DCLK2: variants seen among roughly 807,000 people sequenced by gnomAD.
The protein encoded by DCLK2 is doublecortin like kinase 2.
A neutral mutation model predicts 78.4 loss-of-function variants in DCLK2; 31 were observed. The observed-to-expected ratio is 0.40, with a 90% CI of 0.30 to 0.53. The LOEUF (loss-of-function observed/expected upper bound fraction) is 0.53, where lower values mean the gene tolerates loss of function less well. DCLK2 is among the 20% of genes least tolerant of loss of function. DCLK2 has a pLI of 0.61. For synonymous variants in DCLK2, 407 were observed against 374.9 expected (o/e 1.09, Z -0.99); for missense variants, 872 against 973.7 (o/e 0.90, Z 1.39).
chr4:150,234,220 T>C (rs1321377406), intron 10 of DCLK2, among the ~76,000 whole-genome samples: 2 of 152,238 alleles, frequency 1.3e-5, no homozygotes, highest in Non-Finnish European at 2.9e-5. Flanking sequence ...TTAAGTCTTC[T>C]TTAACATCAC....
chr4:150,219,964 C>G (rs1272106673), intron 5 of DCLK2, among the ~76,000 whole-genome samples: 1 of 152,066 alleles, frequency 6.6e-6, no homozygotes, highest in Non-Finnish European at 1.5e-5. Context: ...CCCAGCTACT[C>G]TTAGGAAAAA....
intron 4 of DCLK2, chr4:150,199,188 C>T (rs1456306724): frequency 1.1e-5 from 10 of 951,926 alleles, no homozygotes; most frequent in Non-Finnish European, 1.6e-5. Context: ...TGGCTTATTC[C>T]AGTGCACATC....
At position 150,199,218 on chromosome 4, in the gene DCLK2, T is replaced by C. The variant is rs1580703729; in HGVS notation, c.961+1115T>C. 6 of 758,702 alleles carry C rather than the reference T, an allele frequency of 7.9e-6. No homozygotes were observed. In the East Asian group the frequency reaches 1.6e-4, roughly 21 times the overall value. The allele number at this position is 758,702 out of a possible 1,614,324, so 47.0% of individuals were successfully genotyped here. On this transcript the variant is annotated intron_variant, in intron 4 of 15. Transcript: ENST00000296550. ...CACATCTGTGTGGTATGAAATGCTT[T>C]GCATTGCACAAGACACTTTAGCCTC... is the stretch of plus-strand genomic sequence containing the variant.
intron 2 of DCLK2, among the ~76,000 whole-genome samples, chr4:150,184,843 C>T (rs956769004): frequency 1.1e-4 from 16 of 151,978 alleles, no homozygotes; most frequent in South Asian, 2.1e-4. Flanking sequence ...CCTCATGATC[C>T]GCCCGCCTCA....
intron 4 of DCLK2, among the ~76,000 whole-genome samples, chr4:150,202,264 G>C (rs1257979626): frequency 6.6e-6 from 1 of 152,000 alleles, no homozygotes; most frequent in East Asian, 1.9e-4. Flanking sequence ...AAGTAATCAG[G>C]GCTGTTGAAT....
intron 2 of DCLK2, among the ~76,000 whole-genome samples, chr4:150,153,072 G>A (rs1185947528): frequency 1.3e-5 from 2 of 152,206 alleles, no homozygotes; most frequent in Non-Finnish European, 2.9e-5. Flanking sequence ...ATTAGTGAAG[G>A]AGTAAATGAG....
intron 11 of DCLK2, 28 bp from the exon 12 acceptor site, chr4:150,240,371 C>CT: frequency 6.2e-7 from 1 of 1,611,092 alleles, no homozygotes; most frequent in Non-Finnish European, 8.5e-7. Flanking sequence ...CATCAGTTCT[C>CT]TCCCCCTCAC....
chr4:150,157,864 A>G (rs1435453520), intron 2 of DCLK2, among the ~76,000 whole-genome samples: 1 of 152,120 alleles, frequency 6.6e-6, no homozygotes, highest in Non-Finnish European at 1.5e-5. Flanking sequence ...TCTGAGCTCA[A>G]GTGATCTGCC....
intron 2 of DCLK2, among the ~76,000 whole-genome samples, chr4:150,110,463 G>A (rs1731595213): frequency 7.7e-6 from 1 of 130,262 alleles, no homozygotes; most frequent in African/African-American, 2.8e-5. Flanking sequence ...CATTATGTTA[G>A]TGCTTTTTTT....
At chr4:150,129,046 A>G (rs1733109205) in intron 2 of DCLK2, among the ~76,000 whole-genome samples, 1 of 152,170 alleles carries the variant, frequency 6.6e-6, no homozygotes, top group African/African-American at 2.4e-5. Context: ...TTTCACTAGC[A>G]TATACCTGAC....
At chr4:150,170,163 C>T (rs1736410953) in intron 2 of DCLK2, among the ~76,000 whole-genome samples, 1 of 152,170 alleles carries the variant, frequency 6.6e-6, no homozygotes, top group African/African-American at 2.4e-5. Flanking sequence ...AAGCGAGTCT[C>T]CTGCCTCAGC....
chr4:150,239,240 G>A (rs1742723864), intron 10 of DCLK2, among the ~76,000 whole-genome samples: 1 of 152,064 alleles, frequency 6.6e-6, no homozygotes, highest in Admixed American at 6.6e-5. Flanking sequence ...ACACAATTGT[G>A]CAAAATCTCT....
intron 2 of DCLK2, among the ~76,000 whole-genome samples, chr4:150,147,100 A>G (rs1236424447): frequency 1.3e-5 from 2 of 152,026 alleles, no homozygotes; most frequent in Non-Finnish European, 2.9e-5. Flanking sequence ...TCTGGGCAAC[A>G]TAGTGAGGCC....
intron 1 of DCLK2, among the ~76,000 whole-genome samples, chr4:150,099,629 T>C (rs545163212): frequency 1.3e-5 from 2 of 152,350 alleles, no homozygotes; most frequent in South Asian, 4.1e-4. Context: ...CTATGTGCTG[T>C]AATGTTGAAT....
rs540585583 is a variant in DCLK2 at position 150,134,282 on chromosome 4, A to G, written c.756+31470A>G. ...TTTTTAGTAGAGATGCGGTTTCACC[A>G]TGTTGGTCAGGCTGCTCTCGAACTT... On this transcript the variant is annotated intron_variant, in intron 2 of 15. Transcript: ENST00000296550. Among the ~76,000 whole-genome samples, 115 of 151,982 alleles carry G rather than the reference A, an allele frequency of 7.6e-4. 1 individual carries two copies. Among genetic ancestry groups the G allele is most frequent in the Non-Finnish European group, 1.2e-3 (80 of 67,958 alleles).
chr4:150,218,542 A>G (rs762310265), intron 5 of DCLK2, among the ~76,000 whole-genome samples: 2 of 152,164 alleles, frequency 1.3e-5, no homozygotes, highest in African/African-American at 2.4e-5. Flanking sequence ...TGCTTCCAGG[A>G]CAGATGAACA....
chr4:150,113,644 A>G (rs1439919821), intron 2 of DCLK2, among the ~76,000 whole-genome samples: 1 of 146,206 alleles, frequency 6.8e-6, no homozygotes, highest in Non-Finnish European at 1.5e-5. Context: ...TCTCTCTTTT[A>G]TTGGTTAATC....
chr4:150,253,754 A>G, intron 15 of DCLK2: 1 of 985,368 alleles, frequency 1.0e-6, no homozygotes, highest in Non-Finnish European at 1.2e-6. Flanking sequence ...AGCTTACCAC[A>G]CTGCCTGCCT....
At chr4:150,220,244 CAG>C (rs1056027243) in intron 5 of DCLK2, among the ~76,000 whole-genome samples, 1 of 152,112 alleles carries the variant, frequency 6.6e-6, no homozygotes, top group African/African-American at 2.4e-5. Context: ...GAAAATTAAA[CAG>C]AACAACAAAA....
Sources: allele counts gnomAD v4.1 joint callset (sites outside exome capture counted in the v4.1 genomes callset), GRCh38; gene constraint gnomAD v4.1.1; transcripts MANE v1.5; gene names NCBI Gene and HGNC (gene_info 2026-07-23, HGNC 2026-07-21).